SLC3A2: variants seen among roughly 807,000 people sequenced by gnomAD.
SLC3A2 encodes the protein solute carrier family 3 member 2.
A neutral mutation model predicts 48.5 loss-of-function variants in SLC3A2; 32 were observed. The ratio of observed to expected loss-of-function variants is 0.66; its 90% CI spans 0.50 to 0.89. SLC3A2 has a LOEUF of 0.89. Among genes scored for constraint, SLC3A2 ranks in the 40% least tolerant of loss-of-function variants. The pLI is 0.00. For missense variants in SLC3A2, 587 were observed against 680.7 expected (o/e 0.86, Z 1.53); for synonymous variants, 277 against 288.8 (o/e 0.96, Z 0.41).
intron 1 of SLC3A2, among the ~76,000 whole-genome samples, chr11:62,875,490 C>T (rs892988083): frequency 1.3e-5 from 2 of 152,090 alleles, no homozygotes; most frequent in Admixed American, 1.3e-4. Flanking sequence ...GAGCTGAGAT[C>T]GCACCACTGT....
At chr11:62,876,693 A>G (rs192948215), upstream of SLC3A2, 1 of 161,410 alleles carries the variant, frequency 6.2e-6, no homozygotes, top group Non-Finnish European at 1.4e-5. Flanking sequence ...TCCCTGCCTC[A>G]TGGGTTCAAG....
chr11:62,867,928 A>AT (rs58049080), intron 1 of SLC3A2, among the ~76,000 whole-genome samples: 1,750 of 147,336 alleles, frequency 0.012, 27 homozygotes, highest in African/African-American at 0.037. Context: ...TTCAAAAAAA[A>AT]TTTTTTTTTT....
chr11:62,872,541 A>G (rs565197797), intron 1 of SLC3A2, among the ~76,000 whole-genome samples: 37 of 152,132 alleles, frequency 2.4e-4, no homozygotes, highest in South Asian at 4.2e-4. Flanking sequence ...CAGAAAACAG[A>G]ATTTGTCTTT....
At chr11:62,877,436 A>G (rs1227515638), upstream of SLC3A2, among the ~76,000 whole-genome samples, 1 of 152,206 alleles carries the variant, frequency 6.6e-6, no homozygotes, top group East Asian at 1.9e-4. Context: ...ACACTTGCGA[A>G]GTGCCTACTA....
chr11:62,885,133 A>G (rs1171582507), intron 5 of SLC3A2, 44 bp from the exon 6 acceptor site: 22 of 1,604,160 alleles, frequency 1.4e-5, no homozygotes, highest in Non-Finnish European at 1.7e-5. Flanking sequence ...GCCTGGCCCC[A>G]TTCTTTCTTG....
chr11:62,871,605 TG>T (rs1198741494), intron 1 of SLC3A2: 1 of 657,478 alleles, frequency 1.5e-6, no homozygotes. Flanking sequence ...TTACCCAGGC[TG>T]GTCTTCAACT....
At chr11:62,884,070 G>C (rs187831298) in intron 3 of SLC3A2, 6 of 463,782 alleles carry the variant, frequency 1.3e-5, no homozygotes, top group African/African-American at 1.2e-4. Context: ...CTGTGGACGC[G>C]TCTCCCTGCT....
In SLC3A2 at chr11:62,881,175, A is replaced by T. The variant is rs762735137; in HGVS notation, c.152A>T (p.Glu51Val). The T allele has an allele frequency of 1.9e-6, 3 of 1,593,280 alleles. No homozygotes were observed. Among genetic ancestry groups the T allele is most frequent in the East Asian group, 4.5e-5 (2 of 44,036 alleles). Residue 51 changes from glutamate (E) to valine (V), a missense_variant, in exon 1 of 9, where the codon GAG (glutamate) becomes GTG (valine). This residue lies in a region of SLC3A2 where 409 missense variants were observed against 446.7 expected (regional missense o/e 0.92). Transcript: ENST00000338663. This position sits in a 1 kb window ranked among gnomAD's most constrained non-coding sequence, Gnocchi z 4.0. The stretch of plus-strand genomic sequence containing the variant: ...GTGAAGATCAAGGTGGCGGAAGACG[A>T]GGCGGAGGCGGCAGCCGCGGCTAAG... Reference protein sequence around the residue: ...GLVKIKVAEDEAEAAAAAKFT... With the variant: ...GLVKIKVAEDVAEAAAAAKFT...
At chr11:62,863,816 C>T (rs1323732840) in intron 1 of SLC3A2, among the ~76,000 whole-genome samples, 1 of 152,196 alleles carries the variant, frequency 6.6e-6, no homozygotes, top group East Asian at 1.9e-4. Context: ...TCAAAAGGCA[C>T]CTACTTCCCT....
chr11:62,888,713 C>T lies in SLC3A2; in HGVS notation c.*20C>T, dbSNP rs367966973. The T allele has an allele frequency of 1.9e-6, 3 of 1,551,000 alleles. No homozygotes were observed. Among genetic ancestry groups the T allele is most frequent in the Non-Finnish European group, 2.6e-6 (3 of 1,153,114 alleles). Reference sequence around the variant, plus strand: ...GCCTGACTTCAGCCTGACATGGACCCACTACCCTTCTCCTTTCCTTCCCAG... The same window carrying T: ...GCCTGACTTCAGCCTGACATGGACCTACTACCCTTCTCCTTTCCTTCCCAG... On this transcript the variant is annotated 3_prime_UTR_variant, in exon 9 of 9. Transcript: ENST00000338663.
intron 1 of SLC3A2, chr11:62,870,855 AATT>A (rs753038192): frequency 0.038 from 5,073 of 134,116 alleles, 114 homozygotes; most frequent in African/African-American, 0.05. Flanking sequence ...TAATAATAAT[AATT>A]ATTATTATTA....
At chr11:62,856,503 T>A in intron 1 of SLC3A2, 1 of 802,296 alleles carries the variant, frequency 1.2e-6, no homozygotes. Context: ...ACTGGTTCCC[T>A]ATGTCCTGCC....
intron 3 of SLC3A2, 62 bp from the exon 4 acceptor site, chr11:62,884,395 G>A: frequency 6.3e-7 from 1 of 1,587,462 alleles, no homozygotes; most frequent in South Asian, 1.1e-5. Flanking sequence ...AGTGTGGGCT[G>A]GAATTTTCTG....
chr11:62,887,719 A>G (rs1005209568), intron 7 of SLC3A2, among the ~76,000 whole-genome samples: 1 of 145,380 alleles, frequency 6.9e-6, no homozygotes, highest in African/African-American at 2.5e-5. Flanking sequence ...AAAAAAAAAA[A>G]GTTAGCCAGA....
Position 62,888,687 on chromosome 11 carries a change from G to C in SLC3A2, c.1584G>C (p.Ala528=). Residue 528 remains alanine (A), a synonymous_variant, in exon 9 of 9, where the codon GCG becomes GCC. Transcript: ENST00000338663. The part of the protein sequence containing the change: ...HEGLLLRFPY[A]A ...GGCTGCTGCTCCGCTTCCCCTACGC[G>C]GCCTGACTTCAGCCTGACATGGACC... The C allele has an allele frequency of 6.3e-7, 1 of 1,589,960 alleles. No individual in the cohort carries two copies. The highest frequency in any genetic ancestry group is 8.5e-7 in the Non-Finnish European group (1 of 1,172,358).
chr11:62,859,977 C>T (rs1275630982), intron 1 of SLC3A2, among the ~76,000 whole-genome samples: 1 of 152,114 alleles, frequency 6.6e-6, no homozygotes, highest in Non-Finnish European at 1.5e-5. Flanking sequence ...TACGGAGGAC[C>T]CGCACCAGCA....
At chr11:62,860,674 TG>T (rs2085389962) in intron 1 of SLC3A2, among the ~76,000 whole-genome samples, 1 of 152,136 alleles carries the variant, frequency 6.6e-6, no homozygotes, top group Non-Finnish European at 1.5e-5. Flanking sequence ...TATGGGTGTC[TG>T]GGGGACGGTC....
chr11:62,862,814 C>T (rs1195512991), intron 1 of SLC3A2, among the ~76,000 whole-genome samples: 1 of 152,140 alleles, frequency 6.6e-6, no homozygotes, highest in East Asian at 1.9e-4. Context: ...CAAGGAGCAA[C>T]CCTGCCCCCA....
intron 1 of SLC3A2, among the ~76,000 whole-genome samples, chr11:62,868,739 T>A (rs73487868): frequency 0.021 from 3,134 of 152,326 alleles, 114 homozygotes; most frequent in African/African-American, 0.072. Context: ...TTGCCACTTA[T>A]GCAATTTGTA....
Sources: gnomAD v4.1 joint callset for allele counts (sites outside exome capture counted in the v4.1 genomes callset) on GRCh38, gnomAD v4.1.1 for gene constraint, gnomAD v4.1.1 regional missense constraint, Gnocchi (gnomAD v3.1) non-coding constraint, MANE v1.5 for transcripts, NCBI Gene and HGNC (gene_info 2026-07-23, HGNC 2026-07-21) for gene names.